ECI2: variants seen among roughly 807,000 people sequenced by gnomAD.
ECI2 encodes the protein enoyl-CoA delta isomerase 2, also known as D3,D2-enoyl-CoA isomerase.
In ECI2, 27 loss-of-function variants were observed where a neutral mutation model predicts 38.4. The observed-to-expected ratio is 0.70, with a 90% CI of 0.52 to 0.97. The LOEUF (loss-of-function observed/expected upper bound fraction) is 0.97, where lower values mean the gene tolerates loss of function less well. Among genes scored for constraint, ECI2 ranks in the 50% least tolerant of loss-of-function variants. The pLI is 0.00. For missense variants in ECI2, 470 were observed against 474.4 expected (o/e 0.99, Z 0.09); for synonymous variants, 168 against 172.0 (o/e 0.98, Z 0.18).
In ECI2 at chr6:4,133,601, T is replaced by C; in HGVS notation, c.161A>G (p.Lys54Arg). 1 of 1,614,074 alleles carries C rather than the reference T, an allele frequency of 6.2e-7. No individual in the cohort carries two copies. Among genetic ancestry groups the C allele is most frequent in the Non-Finnish European group, 8.5e-7 (1 of 1,179,974 alleles). ...CTTCACTTCGTTTCCTGGATCCTTT[T>C]TCAAGAGTTTCACTTGATTCATTGA... ...ENSMNQVKLL[K>R]KDPGNEVKLK... Residue 54 changes from lysine (K) to arginine (R), a missense_variant, in exon 2 of 10, where the codon AAA becomes AGA. Physicochemically the swap from Lys to Arg is conservative, Grantham distance 26. Coordinates refer to ENST00000380118, the MANE Select transcript of ECI2 (RefSeq NM_206836.3).
At chr6:4,125,034 A>G in intron 7 of ECI2, 1 of 732,054 alleles carries the variant, frequency 1.4e-6, no homozygotes, top group Non-Finnish European at 2.3e-6. Flanking sequence ...CGGAACAGTC[A>G]GAGTTGGAAC....
intron 1 of ECI2, 137 bp downstream of exon 1, chr6:4,135,374 C>A: frequency 6.5e-7 from 1 of 1,530,810 alleles, no homozygotes; most frequent in Non-Finnish European, 8.8e-7. Flanking sequence ...CACTACCTCA[C>A]CGGAAAACCA....
intron 6 of ECI2, 94 bp from the exon 7 acceptor site, chr6:4,125,464 T>C: frequency 6.4e-7 from 1 of 1,553,090 alleles, no homozygotes. Context: ...AAGCCTTCTG[T>C]CAGGCTGGGT....
intron 7 of ECI2, chr6:4,121,881 A>C (rs1772800615): frequency 2.3e-6 from 2 of 856,618 alleles, no homozygotes; most frequent in Non-Finnish European, 3.6e-6. Flanking sequence ...CAGCATATAC[A>C]TAAAAATAAT....
chr6:4,129,826 A>G (rs773503896), intron 4 of ECI2, among the ~76,000 whole-genome samples: 1 of 152,104 alleles, frequency 6.6e-6, no homozygotes, highest in African/African-American at 2.4e-5. Context: ...ATTTTTTTCA[A>G]GAAGAAGGGG....
intron 8 of ECI2, chr6:4,117,761 T>C: frequency 4.3e-6 from 1 of 231,836 alleles, no homozygotes. Context: ...AGCTATGATT[T>C]TCCATTTGAT....
In ECI2 at chr6:4,117,350, TTC is replaced by T; in HGVS notation, c.985_986del (p.Glu329SerfsTer35). 1 of 1,613,980 alleles carries T rather than the reference TTC, an allele frequency of 6.2e-7. No homozygotes were observed. The highest frequency in any genetic ancestry group is 1.1e-5 in the South Asian group (1 of 91,020). ...EVFPDSTFQK[E>X]VWTRLKAFAK... is the part of the protein sequence containing the mutation. The stretch of plus-strand genomic sequence containing the variant: ...CAAATGCCTTCAGCCTGGTCCAGAC[TTC>T]TTTCTGAAAAGTGCTATCAGGGAAA... On this transcript the variant is annotated frameshift_variant, in exon 9 of 10. Transcript: ENST00000380118. LOFTEE classifies it low-confidence loss of function (END_TRUNC).
intron 7 of ECI2, chr6:4,121,835 A>G (rs757408783): frequency 1.9e-5 from 8 of 432,380 alleles, no homozygotes; most frequent in Non-Finnish European, 3.3e-5. Flanking sequence ...TGTTTTTACT[A>G]TATAACTGTT....
At chr6:4,133,897 C>T (rs1773608864) in intron 1 of ECI2, 186 bp from the exon 2 acceptor site, 1 of 551,696 alleles carries the variant, frequency 1.8e-6, no homozygotes, top group East Asian at 3.4e-5. Context: ...TAAGTCAATA[C>T]AGAAGCTAAC....
At chr6:4,134,339 G>C (rs1773629453) in intron 1 of ECI2, among the ~76,000 whole-genome samples, 1 of 152,144 alleles carries the variant, frequency 6.6e-6, no homozygotes, top group African/African-American at 2.4e-5. Flanking sequence ...TCAGTGAAGG[G>C]GGCTCAGCAG....
intron 7 of ECI2, 48 bp from the exon 8 acceptor site, chr6:4,119,323 T>C (rs1279555721): frequency 2.4e-6 from 3 of 1,249,202 alleles, no homozygotes; most frequent in East Asian, 2.7e-5. Context: ...TGTGTGATTT[T>C]TTTTTTTTTT....
chr6:4,128,268 T>C (rs1773306716), intron 4 of ECI2, among the ~76,000 whole-genome samples: 1 of 151,858 alleles, frequency 6.6e-6, no homozygotes, highest in South Asian at 2.1e-4. Context: ...GAAAACTTTC[T>C]ACAAAGCAAC....
At position 4,125,380 on chromosome 6, in the gene ECI2, TG is replaced by T; in HGVS notation, c.675-11del. 2 of 1,613,878 alleles carry T rather than the reference TG, an allele frequency of 1.2e-6. No individual in the cohort carries two copies. The highest frequency in any genetic ancestry group is 1.7e-6 in the Non-Finnish European group (2 of 1,180,004). ...ACAGCCCACAAATTCCCTACAGAAA[TG>T]GAAACACAAAATCATTAAATGTGCC... On this transcript the variant is annotated splice_polypyrimidine_tract_variant and intron_variant, in intron 6 of 9. Transcript: ENST00000380118.
chr6:4,133,708 A>T lies in ECI2; in HGVS notation c.54T>A (p.Ser18=). 1 of 1,602,852 alleles carries T rather than the reference A, an allele frequency of 6.2e-7. No individual in the cohort carries two copies. Among genetic ancestry groups the T allele is most frequent in the Non-Finnish European group, 8.5e-7 (1 of 1,176,042 alleles). The change falls in exon 2 of 10, where the codon TCT becomes TCA. Residue 18 remains serine, a synonymous_variant. Coordinates refer to ENST00000380118, the MANE Select transcript of ECI2 (RefSeq NM_206836.3). ...WRLARRSCPS[S]LQVTSFPVVQ... Reference sequence around the variant, plus strand: ...CTACCGGGAAACTAGTGACCTGCAGAGAACTACAATTAGGCAGACTGATTT... The same window carrying T: ...CTACCGGGAAACTAGTGACCTGCAGTGAACTACAATTAGGCAGACTGATTT...
At chr6:4,120,305 C>G (rs1195642462) in intron 7 of ECI2, among the ~76,000 whole-genome samples, 1 of 152,184 alleles carries the variant, frequency 6.6e-6, no homozygotes, top group African/African-American at 2.4e-5. Flanking sequence ...GATGCCACAG[C>G]CTACTGCACA....
intron 7 of ECI2, among the ~76,000 whole-genome samples, chr6:4,123,931 A>G (rs1201383195): frequency 6.6e-6 from 1 of 152,102 alleles, no homozygotes; most frequent in African/African-American, 2.4e-5. Context: ...ACTGCATTCC[A>G]GCTTGGGTGA....
chr6:4,126,125 T>C lies in ECI2; in HGVS notation c.674+10A>G. On this transcript the variant is annotated intron_variant, in intron 6 of 9. Transcript: ENST00000380118. ...CCCTCTGGGATCAGACAAAGGTCAG[T>C]AACTCTTACCTCAGTAAAACGGCAT... 3.1e-6 allele frequency: 5 copies of C among 1,608,324 alleles called. No individual in the cohort carries two copies. Among genetic ancestry groups the C allele is most frequent in the Non-Finnish European group, 4.3e-6 (5 of 1,175,862 alleles).
intron 7 of ECI2, among the ~76,000 whole-genome samples, chr6:4,122,309 CT>C (rs1772852020): frequency 1.3e-5 from 2 of 152,074 alleles, no homozygotes; most frequent in South Asian, 4.2e-4. Flanking sequence ...CAACCTCCGC[CT>C]CCCGGGTTCA....
chr6:4,122,127 G>C (rs1229761664), intron 7 of ECI2: 1 of 806,768 alleles, frequency 1.2e-6, no homozygotes, highest in Admixed American at 2.7e-5. Context: ...AAGGGTTTAG[G>C]CTCTGGCGTC....
Sources: gnomAD v4.1 joint callset for allele counts (sites outside exome capture counted in the v4.1 genomes callset) on GRCh38, gnomAD v4.1.1 for gene constraint, MANE v1.5 for transcripts, NCBI Gene and HGNC (gene_info 2026-07-23, HGNC 2026-07-21) for gene names.